INO80C: variants seen among roughly 807,000 people sequenced by gnomAD.
The protein encoded by INO80C is IES6 homolog.
A neutral mutation model predicts 17.7 loss-of-function variants in INO80C; 17 were observed. That is an observed-to-expected ratio of 0.96 (90% CI 0.66 to 1.44). The LOEUF is 1.44. Among genes scored for constraint, INO80C ranks in the 40% most tolerant of loss-of-function variants. The probability of loss-of-function intolerance (pLI) is 0.00; values close to 1 mark genes in which losing one functional copy is unlikely to be tolerated. For missense variants in INO80C, 244 were observed against 245.0 expected (o/e 1.00, Z 0.03); for synonymous variants, 96 against 95.8 (o/e 1.00, Z -0.01).
chr18:35,477,259 G>T (rs1048037467), intron 4 of INO80C, among the ~76,000 whole-genome samples: 1 of 134,880 alleles, frequency 7.4e-6, no homozygotes, highest in Non-Finnish European at 1.7e-5. Flanking sequence ...AAAGTGAAAA[G>T]ATCAAGAAAG....
rs78627712 is a variant in INO80C at position 35,471,481 on chromosome 18, T to C, written c.448-2739A>G. On this transcript the variant is annotated intron_variant, in intron 4 of 4. Transcript: ENST00000334598. ...AATTTAGCCATGTTGTTACTATGCATTGAGCTCAAGAACAGTATGAAAATA... is the reference window on the plus strand; with the variant it reads ...AATTTAGCCATGTTGTTACTATGCACTGAGCTCAAGAACAGTATGAAAATA... Among the ~76,000 whole-genome samples the C allele has an allele frequency of 5.8e-4, 89 of 152,352 alleles. 1 individual carries two copies. The East Asian group carries it at 0.016, about 27-fold the overall frequency.
At chr18:35,475,324 C>A (rs189831626) in intron 4 of INO80C, among the ~76,000 whole-genome samples, 15 of 152,068 alleles carry the variant, frequency 9.9e-5, no homozygotes, top group African/African-American at 1.7e-4. Flanking sequence ...AACTGTCAGC[C>A]CAGACTTGAA....
chr18:35,490,135 C>T (rs1432358177), intron 1 of INO80C, among the ~76,000 whole-genome samples: 2 of 152,160 alleles, frequency 1.3e-5, no homozygotes, highest in African/African-American at 4.8e-5. Context: ...CAAGTGATCG[C>T]TCTTTCAGGA....
intron 2 of INO80C, among the ~76,000 whole-genome samples, 168 bp from the exon 3 acceptor site, chr18:35,479,579 T>A (rs2045780687): frequency 6.6e-6 from 1 of 152,190 alleles, no homozygotes; most frequent in South Asian, 2.1e-4. Flanking sequence ...CATTAACATG[T>A]TAATCTTAGT....
chr18:35,470,217 G>A lies in INO80C; in HGVS notation c.448-1475C>T, dbSNP rs372954812. 3.0e-4 allele frequency among the ~76,000 whole-genome samples: 45 copies of A among 152,242 alleles called. No homozygotes were observed. The East Asian group carries it at 3.3e-3, about 11-fold the overall frequency. ...CTCAATAAAAAAGCAACAAGCTGTC[G>A]GGAACTTATTTATAGGCTTCTCATG... On this transcript the variant is annotated intron_variant, in intron 4 of 4. Coordinates refer to ENST00000334598, the MANE Select transcript of INO80C (RefSeq NM_194281.4).
At chr18:35,494,913 T>C (rs535815289) in intron 1 of INO80C, among the ~76,000 whole-genome samples, 1 of 152,324 alleles carries the variant, frequency 6.6e-6, no homozygotes, top group South Asian at 2.1e-4. Context: ...CTATAATCCT[T>C]TGAAATGTCT....
At chr18:35,486,693 T>C (rs184723386) in intron 1 of INO80C, among the ~76,000 whole-genome samples, 2 of 148,238 alleles carry the variant, frequency 1.3e-5, no homozygotes, top group Admixed American at 1.4e-4. Context: ...GAAGGGAGGA[T>C]CACTTGAACC....
intron 1 of INO80C, chr18:35,489,251 A>G (rs1050081693): frequency 1.3e-5 from 3 of 234,540 alleles, no homozygotes; most frequent in Admixed American, 1.0e-4. Context: ...AATTTATTGT[A>G]TTAGTCCATT....
At chr18:35,483,269 G>A (rs2045835747) in intron 1 of INO80C, among the ~76,000 whole-genome samples, 1 of 152,052 alleles carries the variant, frequency 6.6e-6, no homozygotes, top group South Asian at 2.1e-4. Flanking sequence ...GGGAGACCCA[G>A]TCTGATAAGG....
rs1278932703 is a variant in INO80C at position 35,468,618 on chromosome 18, A to G, written c.572T>C (p.Val191Ala). 1.2e-6 allele frequency: 2 copies of G among 1,614,116 alleles called. No individual in the cohort carries two copies. The highest frequency in any genetic ancestry group is 1.7e-5 in the Admixed American group (1 of 60,022). Residue 191 changes from valine (V) to alanine (A), a missense_variant, in exon 5 of 5, where the codon GTT (valine) becomes GCT (alanine). Physicochemically the swap from Val to Ala is moderately conservative, Grantham distance 64 (BLOSUM62 0). Coordinates refer to ENST00000334598, the MANE Select transcript of INO80C (RefSeq NM_194281.4). The part of the protein sequence containing the change: ...YLALRKATSI[V>A]P ...CATCTCCCTTTCTGGGGCTCAGGGA[A>G]CGATGCTCGTGGCCTTCCTCAGGGC...
intron 1 of INO80C, among the ~76,000 whole-genome samples, chr18:35,486,986 G>A (rs375109677): frequency 1.3e-5 from 2 of 151,980 alleles, no homozygotes; most frequent in East Asian, 1.9e-4. Flanking sequence ...AAAAGTCACT[G>A]GCAAAGTATG....
intron 1 of INO80C, chr18:35,489,202 G>A (rs928091701): frequency 2.6e-5 from 5 of 188,992 alleles, no homozygotes; most frequent in South Asian, 8.0e-5. Context: ...ACATTTTCGG[G>A]TATCTTTACA....
chr18:35,490,672 G>C (rs1240030503), intron 1 of INO80C, among the ~76,000 whole-genome samples: 1 of 152,180 alleles, frequency 6.6e-6, no homozygotes, highest in African/African-American at 2.4e-5. Context: ...ATACCTGCCA[G>C]CTCCCAGGGT....
Position 35,468,507 on chromosome 18 carries a change from C to T in INO80C, c.*104G>A. The T allele has an allele frequency of 6.4e-7, 1 of 1,574,008 alleles. No homozygotes were observed. Among genetic ancestry groups the T allele is most frequent in the South Asian group, 1.2e-5 (1 of 86,590 alleles). Reference sequence around the variant, plus strand: ...CATTCTTTCCAAGGCACAGCACTGGCATTTTCAGATTGACAGCAGAACGAG... The same window carrying T: ...CATTCTTTCCAAGGCACAGCACTGGTATTTTCAGATTGACAGCAGAACGAG... On this transcript the variant is annotated 3_prime_UTR_variant, in exon 5 of 5. Coordinates refer to ENST00000334598, the MANE Select transcript of INO80C (RefSeq NM_194281.4).
chr18:35,469,340 A>G (rs1464148927), intron 4 of INO80C, among the ~76,000 whole-genome samples: 1 of 152,152 alleles, frequency 6.6e-6, no homozygotes, highest in Non-Finnish European at 1.5e-5. Context: ...AAATCTCTCA[A>G]AATGGCTCCT....
At chr18:35,483,134 T>A (rs536225942) in intron 1 of INO80C, among the ~76,000 whole-genome samples, 1 of 152,372 alleles carries the variant, frequency 6.6e-6, no homozygotes, top group South Asian at 2.1e-4. Flanking sequence ...TTCATTGGGA[T>A]TCGTCCATGT....
intron 1 of INO80C, among the ~76,000 whole-genome samples, chr18:35,494,383 A>T (rs535982870): frequency 1.3e-5 from 2 of 152,332 alleles, no homozygotes; most frequent in East Asian, 1.9e-4. Flanking sequence ...GCTGACTTTT[A>T]AAAAAGGTGA....
intron 1 of INO80C, among the ~76,000 whole-genome samples, chr18:35,481,982 C>T (rs915801479): frequency 5.3e-5 from 8 of 152,148 alleles, no homozygotes; most frequent in East Asian, 1.9e-4. Context: ...TAGTATTCCA[C>T]GGTAAGGAGG....
At chr18:35,492,867 T>C (rs1050773030) in intron 1 of INO80C, among the ~76,000 whole-genome samples, 7 of 152,226 alleles carry the variant, frequency 4.6e-5, no homozygotes, top group African/African-American at 1.7e-4. Context: ...TTTTATCAAC[T>C]TTAATACACA....
Sources: allele counts gnomAD v4.1 joint callset (sites outside exome capture counted in the v4.1 genomes callset), GRCh38; gene constraint gnomAD v4.1.1; transcripts MANE v1.5; gene names NCBI Gene and HGNC (gene_info 2026-07-23, HGNC 2026-07-21).